STIL: variants seen among roughly 807,000 people sequenced by gnomAD.
STIL encodes the protein SCL-interrupting locus protein.
Under a neutral mutation model 110.1 loss-of-function variants are expected in STIL, and 55 were observed. That is an observed-to-expected ratio of 0.50 (90% confidence interval 0.40 to 0.63). STIL has a LOEUF of 0.63. Ranked by LOEUF, STIL falls within the 20% of genes least tolerant of loss-of-function variation. The pLI is 0.00. For missense variants in STIL, 1,358 were observed against 1,530.0 expected, an observed-to-expected ratio of 0.89 and a Z score of 1.87; for synonymous variants, 481 against 530.0, an observed-to-expected ratio of 0.91 and a Z score of 1.27.
At chr1:47,262,023 A>G (rs528899552) in intron 15 of STIL, among the ~76,000 whole-genome samples, 1 of 152,172 alleles carries the variant, frequency 6.6e-6, no homozygotes, top group Non-Finnish European at 1.5e-5. Flanking sequence ...ATAATGTTTC[A>G]GTTATAAATT....
At chr1:47,290,625 C>T (rs910834218) in intron 8 of STIL, among the ~76,000 whole-genome samples, 5 of 151,768 alleles carry the variant, frequency 3.3e-5, no homozygotes, top group African/African-American at 1.2e-4. Context: ...ATGGCGTGAA[C>T]CCGGGAGGTG....
At chr1:47,257,348 C>CAT in intron 16 of STIL, among the ~76,000 whole-genome samples, 1 of 152,020 alleles carries the variant, frequency 6.6e-6, no homozygotes, top group East Asian at 1.9e-4. Context: ...ATCAAAATGA[C>CAT]ATAGAGATGA....
chr1:47,260,237 T>C, intron 16 of STIL, 52 bp downstream of exon 16: 1 of 1,512,386 alleles, frequency 6.6e-7, no homozygotes, highest in Non-Finnish European at 8.9e-7. Flanking sequence ...TAAATAAAAA[T>C]TTTTAAAAAA....
chr1:47,279,032 T>A lies in STIL; in HGVS notation c.2217+1209A>T, dbSNP rs1366076760. ...CATATGTATGGCCGGGCGCGGAGGC[T>A]CACGCCTGTAATCCCAACACTTTGG... On this transcript the variant is annotated intron_variant, in intron 12 of 16. Coordinates refer to ENST00000371877, the MANE Select transcript of STIL (RefSeq NM_001048166.1). 3.9e-5 allele frequency among the ~76,000 whole-genome samples: 6 copies of A among 152,206 alleles called. No individual in the cohort carries two copies. The East Asian group carries it at 9.6e-4, about 24-fold the overall frequency.
At chr1:47,266,758 CTT>C (rs1293419033) in intron 14 of STIL, among the ~76,000 whole-genome samples, 1 of 152,204 alleles carries the variant, frequency 6.6e-6, no homozygotes, top group African/African-American at 2.4e-5. Flanking sequence ...CAGTTAGTAT[CTT>C]AACTTCCACT....
intron 10 of STIL, 68 bp from the exon 11 acceptor site, chr1:47,282,527 A>G: frequency 1.1e-6 from 1 of 926,874 alleles, no homozygotes; most frequent in Non-Finnish European, 1.8e-6. Context: ...CTAGAAATTG[A>G]ATAAAGTCCT....
chr1:47,311,557 G>A (rs1324447013), intron 1 of STIL, among the ~76,000 whole-genome samples: 1 of 152,042 alleles, frequency 6.6e-6, no homozygotes, highest in African/African-American at 2.4e-5. Flanking sequence ...AAAGTGCTGG[G>A]ATTACAGGCA....
chr1:47,259,301 T>TTTC (rs1644415908), intron 16 of STIL, among the ~76,000 whole-genome samples: 1 of 137,864 alleles, frequency 7.3e-6, no homozygotes, highest in African/African-American at 2.7e-5. Context: ...TTTTTTTTTT[T>TTTC]TTTTGACTGA....
chr1:47,295,714 T>C (rs1645622989), intron 7 of STIL, 51 bp downstream of exon 7: 1 of 1,232,556 alleles, frequency 8.1e-7, no homozygotes, highest in African/African-American at 1.5e-5. Flanking sequence ...GCTTATCATA[T>C]ACATTTGAAC....
chr1:47,305,340 G>A, intron 2 of STIL: 1 of 223,326 alleles, frequency 4.5e-6, no homozygotes, highest in Non-Finnish European at 8.9e-6. Context: ...GGGCAAGCTG[G>A]TCTCGAACTC....
intron 15 of STIL, among the ~76,000 whole-genome samples, 179 bp from the exon 16 acceptor site, chr1:47,260,718 A>G (rs1013125711): frequency 7.2e-5 from 11 of 152,028 alleles, no homozygotes; most frequent in African/African-American, 2.7e-4. Context: ...AAAAACTAAA[A>G]ATTAGCTGGG....
rs749339741 is a variant in STIL at position 47,251,424 on chromosome 1, C to T, written c.3579G>A (p.Thr1193=). 78 of 1,614,034 alleles carry T rather than the reference C, an allele frequency of 4.8e-5. No homozygotes were observed. The highest frequency in any genetic ancestry group is 1.8e-4 in the Admixed American group (11 of 60,002). ...NCESVGTNAD[T]PVLRNITNEV... The stretch of plus-strand genomic sequence containing the variant: ...CATTTGTAATATTTCTCAATACTGG[C>T]GTATCTGCGTTGGTCCCCACAGATT... Residue 1193 remains threonine, a synonymous_variant, in exon 17 of 17, where the codon ACG becomes ACA. Transcript: ENST00000371877.
intron 15 of STIL, 74 bp downstream of exon 15, chr1:47,262,829 T>C: frequency 7.0e-7 from 1 of 1,421,200 alleles, no homozygotes; most frequent in Non-Finnish European, 9.9e-7. Flanking sequence ...AGTTTAAACC[T>C]AGGAAAAGCT....
rs948090447 is a variant in STIL, at chr1:47,300,149, G to A, written c.457C>T (p.Leu153=). Residue 153 remains leucine, a synonymous_variant, in exon 6 of 17, where the codon CTA becomes TTA. Coordinates refer to ENST00000371877, the MANE Select transcript of STIL (RefSeq NM_001048166.1). ...VDDFSSALKA[L]QCHICSKDSL... is the part of the protein sequence containing the mutation. ...TCTTTGCTACATATATGGCACTGTA[G>A]AGCCTGAGAAATCAATATTAAATAA... 6.2e-7 allele frequency: 1 copy of A among 1,612,952 alleles called. No homozygotes were observed. Among genetic ancestry groups the A allele is most frequent in the Non-Finnish European group, 8.5e-7 (1 of 1,179,694 alleles).
intron 6 of STIL, among the ~76,000 whole-genome samples, chr1:47,298,281 T>C (rs1645699914): frequency 6.6e-6 from 1 of 152,214 alleles, no homozygotes; most frequent in South Asian, 2.1e-4. Flanking sequence ...GGTCAAACTT[T>C]AAAGTAGAGT....
At chr1:47,267,630 G>A (rs12743643) in intron 14 of STIL, among the ~76,000 whole-genome samples, 18,190 of 140,900 alleles carry the variant, frequency 0.13, 1,396 homozygotes, top group East Asian at 0.22. Context: ...CCAAGATCAC[G>A]CCACCGTACT....
intron 14 of STIL, 58 bp downstream of exon 14, chr1:47,269,577 C>T: frequency 7.5e-7 from 1 of 1,335,658 alleles, no homozygotes; most frequent in Non-Finnish European, 1.1e-6. Flanking sequence ...TATTATTTGT[C>T]TATCAAAAAA....
At chr1:47,270,233 A>T (rs1485785764) in intron 13 of STIL, among the ~76,000 whole-genome samples, 6 of 93,214 alleles carry the variant, frequency 6.4e-5, no homozygotes, top group African/African-American at 3.2e-4. Flanking sequence ...GGCTCAAAAA[A>T]AAAAAAAAAT....
intron 2 of STIL, 35 bp from the exon 3 acceptor site, chr1:47,305,031 G>A: frequency 6.7e-7 from 1 of 1,487,848 alleles, no homozygotes; most frequent in Non-Finnish European, 9.4e-7. Context: ...AAAGCACAAG[G>A]AATAGCAAAC....
Sources: gnomAD v4.1 joint callset for allele counts (sites outside exome capture counted in the v4.1 genomes callset) on GRCh38, gnomAD v4.1.1 for gene constraint, MANE v1.5 for transcripts, NCBI Gene and HGNC (gene_info 2026-07-23, HGNC 2026-07-21) for gene names.